Variants in ASCC1 observed in about 807,000 individuals in gnomAD.
ASCC1 encodes ASC-1 complex subunit P50.
A neutral mutation model predicts 46.6 loss-of-function variants in ASCC1; 35 were observed. That is an observed-to-expected ratio of 0.75 (90% CI 0.57 to 0.99). The LOEUF (loss-of-function observed/expected upper bound fraction) is 0.99, where lower values mean the gene tolerates loss of function less well. ASCC1 is among the 50% of genes least tolerant of loss of function. ASCC1 has a pLI of 0.00. For synonymous variants in ASCC1, 143 were observed against 146.6 expected, an observed-to-expected ratio of 0.98 and a Z score of 0.18; for missense variants, 376 against 428.7, an observed-to-expected ratio of 0.88 and a Z score of 1.09.
At chr10:72,137,927 G>C (rs747190677) in intron 7 of ASCC1, among the ~76,000 whole-genome samples, 1 of 151,532 alleles carries the variant, frequency 6.6e-6, no homozygotes, top group Non-Finnish European at 1.5e-5. Context: ...GCAGTGGCAC[G>C]ATCTCAGCTC....
In ASCC1 at chr10:72,161,445, T is replaced by C. The variant is rs1849684321; in HGVS notation, c.626+93A>G. 37 of 1,534,932 alleles carry C rather than the reference T, an allele frequency of 2.4e-5. No homozygotes were observed. The South Asian group carries it at 3.3e-4, about 14-fold the overall frequency. The stretch of plus-strand genomic sequence containing the variant: ...TCAAATCACATGAGTCCTTCCCATG[T>C]TATACACCCTCTGGTTCAAAAACAA... On this transcript the variant is annotated intron_variant, in intron 6 of 9. Coordinates refer to ENST00000672957, the MANE Select transcript of ASCC1 (RefSeq NM_001198800.3).
chr10:72,169,248 T>A (rs1334389799), intron 5 of ASCC1, among the ~76,000 whole-genome samples: 1 of 151,926 alleles, frequency 6.6e-6, no homozygotes, highest in African/African-American at 2.4e-5. Flanking sequence ...CCAGCCCGGG[T>A]AACAAGGTGA....
chr10:72,154,092 A>G (rs1848678906), intron 6 of ASCC1, among the ~76,000 whole-genome samples: 1 of 152,210 alleles, frequency 6.6e-6, no homozygotes, highest in Admixed American at 6.5e-5. Context: ...CCTTTCCCCA[A>G]GCAATTCCAT....
intron 6 of ASCC1, among the ~76,000 whole-genome samples, chr10:72,157,114 T>G (rs1282852208): frequency 1.3e-5 from 2 of 152,176 alleles, no homozygotes; most frequent in Non-Finnish European, 2.9e-5. Flanking sequence ...GCCCAGATAC[T>G]TTTTCTAATT....
chr10:72,125,295 G>A (rs1844730074), intron 9 of ASCC1, among the ~76,000 whole-genome samples: 1 of 151,680 alleles, frequency 6.6e-6, no homozygotes, highest in Non-Finnish European at 1.5e-5. Flanking sequence ...CCTGATCCTT[G>A]GCCTATGCAG....
At chr10:72,137,237 G>C (rs1846341789) in intron 7 of ASCC1, among the ~76,000 whole-genome samples, 1 of 151,084 alleles carries the variant, frequency 6.6e-6, no homozygotes, top group Non-Finnish European at 1.5e-5. Context: ...TTTTTAAGAA[G>C]CAAGAAACAG....
rs144994153 is a variant in ASCC1 at position 72,101,945 on chromosome 10, T to C, written c.958-4495A>G. Reference sequence around the variant, plus strand: ...ACCGGAGCTAAATGATGAGAACTTATAAACACAAAGAAGGAAACAACAGAC... The same window carrying C: ...ACCGGAGCTAAATGATGAGAACTTACAAACACAAAGAAGGAAACAACAGAC... On this transcript the variant is annotated intron_variant, in intron 9 of 9. Coordinates refer to ENST00000672957, the MANE Select transcript of ASCC1 (RefSeq NM_001198800.3). Among the ~76,000 whole-genome samples the C allele has an allele frequency of 9.1e-3, 1,390 of 151,962 alleles. 17 individuals carry two copies. The highest frequency in any genetic ancestry group is 0.032 in the African/African-American group (1,326 of 41,384).
At chr10:72,191,769 C>T (rs936306573) in intron 5 of ASCC1, among the ~76,000 whole-genome samples, 2 of 151,908 alleles carry the variant, frequency 1.3e-5, no homozygotes, top group Non-Finnish European at 2.9e-5. Flanking sequence ...GCCTCAGCCT[C>T]CCTAGTAGCT....
intron 6 of ASCC1, among the ~76,000 whole-genome samples, chr10:72,156,386 T>C (rs890054971): frequency 6.6e-6 from 1 of 152,230 alleles, no homozygotes; most frequent in African/African-American, 2.4e-5. Flanking sequence ...CAGTCTCTGG[T>C]ATTTCTTTAT....
intron 5 of ASCC1, chr10:72,190,419 A>C (rs1252465167): frequency 2.1e-5 from 34 of 1,597,626 alleles, no homozygotes; most frequent in Non-Finnish European, 2.6e-5. Context: ...TGGATCACCA[A>C]ACCAGTCCAC....
intron 4 of ASCC1, among the ~76,000 whole-genome samples, chr10:72,201,563 G>A (rs184698596): frequency 1.3e-5 from 2 of 152,048 alleles, no homozygotes; most frequent in Admixed American, 6.6e-5. Flanking sequence ...CTAAGCGCCT[G>A]TAGTCCCAGC....
intron 5 of ASCC1, among the ~76,000 whole-genome samples, chr10:72,192,132 T>C (rs1006139140): frequency 1.3e-5 from 2 of 151,840 alleles, no homozygotes; most frequent in Non-Finnish European, 2.9e-5. Flanking sequence ...ATCAACAATA[T>C]ACATAAAGAA....
intron 7 of ASCC1, among the ~76,000 whole-genome samples, chr10:72,151,474 T>C (rs1848319023): frequency 6.6e-6 from 1 of 151,922 alleles, no homozygotes; most frequent in African/African-American, 2.4e-5. Context: ...AGGGATAGCA[T>C]TAAGAGAAAT....
chr10:72,136,491 C>T (rs578006044), intron 7 of ASCC1, among the ~76,000 whole-genome samples: 6 of 152,140 alleles, frequency 3.9e-5, no homozygotes, highest in South Asian at 4.1e-4. Context: ...CACCAATCAG[C>T]GCTCTGTGTC....
chr10:72,108,506 C>T (rs1340188917), intron 9 of ASCC1, among the ~76,000 whole-genome samples: 1 of 152,208 alleles, frequency 6.6e-6, no homozygotes, highest in East Asian at 1.9e-4. Flanking sequence ...AATTTGTTTT[C>T]TGCCTATATA....
chr10:72,191,214 T>G (rs1431509421), intron 5 of ASCC1, among the ~76,000 whole-genome samples: 1 of 148,310 alleles, frequency 6.7e-6, no homozygotes, highest in Non-Finnish European at 1.5e-5. Flanking sequence ...CCCGCCACCA[T>G]GCCCAGCTAA....
intron 8 of ASCC1, among the ~76,000 whole-genome samples, chr10:72,128,538 T>C (rs992732133): frequency 2.6e-5 from 4 of 152,194 alleles, no homozygotes; most frequent in Admixed American, 6.5e-5. Context: ...TTATGTTCTA[T>C]AGATCCAAGA....
intron 6 of ASCC1, among the ~76,000 whole-genome samples, chr10:72,156,961 T>A (rs557237562): frequency 6.6e-6 from 1 of 152,218 alleles, no homozygotes; most frequent in South Asian, 2.1e-4. Flanking sequence ...CTTCTCTCAG[T>A]GTGAAACTAG....
chr10:72,145,722 T>A (rs1342810630), intron 7 of ASCC1, among the ~76,000 whole-genome samples: 1 of 152,216 alleles, frequency 6.6e-6, no homozygotes, highest in African/African-American at 2.4e-5. Flanking sequence ...ATTAATATAT[T>A]CATGTGGTAT....
Sources: allele counts gnomAD v4.1 joint callset (sites outside exome capture counted in the v4.1 genomes callset), GRCh38; gene constraint gnomAD v4.1.1; transcripts MANE v1.5; gene names NCBI Gene and HGNC (gene_info 2026-07-23, HGNC 2026-07-21).